The following BRINP3 variants were observed in gnomAD, a reference collection of about 807,000 sequenced individuals.
The protein encoded by BRINP3 is BMP/retinoic acid-inducible neural-specific protein 3.
A neutral mutation model predicts 71.0 loss-of-function variants in BRINP3; 19 were observed. The ratio of observed to expected loss-of-function variants is 0.27; its 90% confidence interval spans 0.19 to 0.39. BRINP3 has a LOEUF of 0.39. BRINP3 is among the 10% of genes least tolerant of loss of function. The pLI is 1.00. For missense variants in BRINP3, 959 were observed against 940.8 expected, an observed-to-expected ratio of 1.02 and a Z score of -0.25; for synonymous variants, 380 against 337.7, an observed-to-expected ratio of 1.13 and a Z score of -1.37.
At chr1:190,350,653 T>A (rs1382611447) in intron 2 of BRINP3, among the ~76,000 whole-genome samples, 1 of 152,042 alleles carries the variant, frequency 6.6e-6, no homozygotes, top group African/African-American at 2.4e-5. Context: ...CTAATCTAAA[T>A]CTAAATGCCT....
At chr1:190,440,122 A>G (rs1209398356) in intron 2 of BRINP3, among the ~76,000 whole-genome samples, 2 of 152,016 alleles carry the variant, frequency 1.3e-5, no homozygotes, top group East Asian at 3.9e-4. Flanking sequence ...TAATTTTTGT[A>G]AAATAAAAGA....
intron 2 of BRINP3, among the ~76,000 whole-genome samples, chr1:190,440,831 TGAG>T (rs1474925038): frequency 1.3e-5 from 2 of 151,978 alleles, no homozygotes; most frequent in African/African-American, 2.4e-5. Flanking sequence ...CAATGAAGTA[TGAG>T]GACAACAAAG....
chr1:190,169,918 C>T (rs815333), intron 6 of BRINP3, among the ~76,000 whole-genome samples: 79,574 of 151,932 alleles, frequency 0.52, 22,037 homozygotes, highest in African/African-American at 0.73. Context: ...AGGTGGGTCC[C>T]ATTATAATCT....
chr1:190,316,422 C>G (rs1314902242), intron 2 of BRINP3, among the ~76,000 whole-genome samples: 1 of 152,022 alleles, frequency 6.6e-6, no homozygotes, highest in African/African-American at 2.4e-5. Context: ...CTCTCAATTG[C>G]TATTCTGAGA....
intron 1 of BRINP3, 94 bp downstream of exon 1, chr1:190,477,354 C>T (rs959013607): frequency 4.6e-5 from 7 of 151,594 alleles, no homozygotes; most frequent in Non-Finnish European, 1.0e-4. Flanking sequence ...CTGAAAGTAA[C>T]AAAAATGTGA....
chr1:190,400,037 AC>A, intron 2 of BRINP3, among the ~76,000 whole-genome samples: 1 of 152,212 alleles, frequency 6.6e-6, no homozygotes, highest in Admixed American at 6.5e-5. Context: ...TTTGTTGACC[AC>A]CCATCACACT....
chr1:190,319,998 T>G (rs1437823824), intron 2 of BRINP3, among the ~76,000 whole-genome samples: 3 of 152,108 alleles, frequency 2.0e-5, no homozygotes, highest in African/African-American at 7.2e-5. Flanking sequence ...TGTTTAAATT[T>G]TGATCTTTGT....
chr1:190,384,551 A>G (rs1670760988), intron 2 of BRINP3, among the ~76,000 whole-genome samples: 1 of 151,816 alleles, frequency 6.6e-6, no homozygotes, highest in Admixed American at 6.6e-5. Context: ...TAGTCTATAG[A>G]AATATTGAGA....
intron 7 of BRINP3, among the ~76,000 whole-genome samples, chr1:190,132,033 G>C (rs1257940464): frequency 3.3e-5 from 5 of 151,972 alleles, no homozygotes; most frequent in Non-Finnish European, 5.9e-5. Flanking sequence ...ATGAAAGTTT[G>C]CCAATTGTCT....
intron 6 of BRINP3, among the ~76,000 whole-genome samples, chr1:190,224,571 G>C (rs1657168526): frequency 2.0e-5 from 3 of 151,766 alleles, no homozygotes; most frequent in Admixed American, 1.3e-4. Flanking sequence ...ATTGGTCTGG[G>C]CAAAGATTTT....
At chr1:190,110,134 T>G (rs1652539665) in intron 7 of BRINP3, among the ~76,000 whole-genome samples, 1 of 152,232 alleles carries the variant, frequency 6.6e-6, no homozygotes, top group East Asian at 1.9e-4. Flanking sequence ...TGTATATTAA[T>G]GCTTACTTAG....
At chr1:190,384,860 T>C (rs1240376288) in intron 2 of BRINP3, among the ~76,000 whole-genome samples, 1 of 151,850 alleles carries the variant, frequency 6.6e-6, no homozygotes, top group Non-Finnish European at 1.5e-5. Flanking sequence ...AGAAACAAAA[T>C]TAGATGATAG....
intron 2 of BRINP3, among the ~76,000 whole-genome samples, chr1:190,406,276 G>C (rs978179566): frequency 3.9e-5 from 6 of 152,094 alleles, no homozygotes; most frequent in Non-Finnish European, 8.8e-5. Flanking sequence ...GCTACTTTCA[G>C]TCATCTCACT....
intron 6 of BRINP3, among the ~76,000 whole-genome samples, chr1:190,200,612 T>C (rs1280472353): frequency 1.3e-5 from 2 of 152,000 alleles, no homozygotes; most frequent in Non-Finnish European, 2.9e-5. Context: ...TGATGGAAGA[T>C]GATAGGATTT....
intron 2 of BRINP3, among the ~76,000 whole-genome samples, chr1:190,314,963 C>G (rs1443980043): frequency 6.6e-6 from 1 of 151,992 alleles, no homozygotes; most frequent in Non-Finnish European, 1.5e-5. Context: ...TGGACTTTAT[C>G]AGGGGGCTAA....
At chr1:190,156,831 C>T (rs892083129) in intron 7 of BRINP3, among the ~76,000 whole-genome samples, 1 of 152,012 alleles carries the variant, frequency 6.6e-6, no homozygotes, top group South Asian at 2.1e-4. Context: ...GCAAATATTA[C>T]ACTTCTATTT....
At chr1:190,378,855 G>T (rs889343035) in intron 2 of BRINP3, among the ~76,000 whole-genome samples, 1 of 152,158 alleles carries the variant, frequency 6.6e-6, no homozygotes, top group East Asian at 1.9e-4. Context: ...CTAATTGAGT[G>T]TGTGCGGCAT....
intron 2 of BRINP3, among the ~76,000 whole-genome samples, chr1:190,300,869 C>A (rs1029009166): frequency 7.2e-5 from 11 of 151,934 alleles, no homozygotes; most frequent in African/African-American, 2.4e-4. Context: ...AAGCAGAGCA[C>A]CTCTCCTCCT....
At chr1:190,419,187 T>C (rs948137697) in intron 2 of BRINP3, among the ~76,000 whole-genome samples, 1 of 151,890 alleles carries the variant, frequency 6.6e-6, no homozygotes, top group African/African-American at 2.4e-5. Flanking sequence ...AAAGGGGAAA[T>C]AAAAAATGAA....
Sources: gnomAD v4.1 joint callset for allele counts (sites outside exome capture counted in the v4.1 genomes callset) on GRCh38, gnomAD v4.1.1 for gene constraint, MANE v1.5 for transcripts, NCBI Gene and HGNC (gene_info 2026-07-23, HGNC 2026-07-21) for gene names.